Variants in ATRN observed in about 807,000 individuals in gnomAD.
ATRN encodes attractin.
In ATRN, 54 loss-of-function variants were observed where a neutral mutation model predicts 178.7. That is an observed-to-expected ratio of 0.30 (90% CI 0.24 to 0.38). The LOEUF is 0.38. Among genes scored for constraint, ATRN ranks in the 10% least tolerant of loss-of-function variants. ATRN has a pLI of 1.00. For synonymous variants in ATRN, 636 were observed against 663.0 expected, an observed-to-expected ratio of 0.96 and a Z score of 0.63; for missense variants, 1,443 against 1,815.1, an observed-to-expected ratio of 0.79 and a Z score of 3.73.
chr20:3,500,883 A>C (rs2084954227), intron 1 of ATRN, among the ~76,000 whole-genome samples: 1 of 152,076 alleles, frequency 6.6e-6, no homozygotes, highest in Non-Finnish European at 1.5e-5. Flanking sequence ...ATAAAAATCA[A>C]GTGCATATGG....
Position 3,562,459 on chromosome 20 carries a change from GGT to G in ATRN, c.1631+2_1631+3del, listed in dbSNP as rs1167010359. 6.2e-7 allele frequency: 1 copy of G among 1,613,162 alleles called. No homozygotes were observed. Among genetic ancestry groups the G allele is most frequent in the Non-Finnish European group, 8.5e-7 (1 of 1,179,586 alleles). ...CGATATGATGTGGATACCCAGATGTGGTGGGTACTTTTTCTTGAGCTTTCACT... is the reference window on the plus strand; with the variant it reads ...CGATATGATGTGGATACCCAGATGTGGGGTACTTTTTCTTGAGCTTTCACT... On this transcript the variant is annotated splice_donor_variant, in intron 9 of 28. Coordinates refer to ENST00000262919, the MANE Select transcript of ATRN (RefSeq NM_139321.3). LOFTEE classifies it high-confidence loss of function.
chr20:3,496,496 G>T (rs1470151014), intron 1 of ATRN, among the ~76,000 whole-genome samples: 1 of 152,162 alleles, frequency 6.6e-6, no homozygotes. Flanking sequence ...GTTCTAGTTT[G>T]ATTGCACTGT....
chr20:3,550,799 G>T (rs1389398201), intron 6 of ATRN, among the ~76,000 whole-genome samples: 3 of 152,096 alleles, frequency 2.0e-5, no homozygotes, highest in Non-Finnish European at 4.4e-5. Context: ...TCCCTCTGGG[G>T]GGAAAGAGAC....
At position 3,562,432 on chromosome 20, in the gene ATRN, A is replaced by G; in HGVS notation, c.1604A>G (p.Tyr535Cys). ...ANKYRLADDLYRYDVDTQMWT... is the reference protein window; with the variant it reads ...ANKYRLADDLCRYDVDTQMWT... ...AAGTACCGGCTTGCAGATGATCTCT[A>G]CCGATATGATGTGGATACCCAGATG... Residue 535 changes from tyrosine to cysteine, a missense_variant, in exon 9 of 29, where the codon TAC becomes TGC. By Grantham distance (194) the Tyr-to-Cys change is radical. Transcript: ENST00000262919. The G allele has an allele frequency of 6.8e-6, 11 of 1,614,106 alleles. No homozygotes were observed. The highest frequency in any genetic ancestry group is 1.6e-4 in the Middle Eastern group (1 of 6,062).
intron 6 of ATRN, among the ~76,000 whole-genome samples, chr20:3,556,514 C>G (rs2085879041): frequency 6.6e-6 from 1 of 152,152 alleles, no homozygotes; most frequent in South Asian, 2.1e-4. Flanking sequence ...GAAACCTGTA[C>G]CCTGTGGTAC....
At chr20:3,547,236 TG>T in intron 4 of ATRN, 47 bp from the exon 5 acceptor site, 1 of 1,418,204 alleles carries the variant, frequency 7.1e-7, no homozygotes, top group Non-Finnish European at 1.0e-6. Context: ...GCTAAGTTAA[TG>T]GAAGCGTTGC....
intron 19 of ATRN, among the ~76,000 whole-genome samples, chr20:3,593,554 T>G (rs2086483223): frequency 6.6e-6 from 1 of 152,184 alleles, no homozygotes; most frequent in Admixed American, 6.5e-5. Flanking sequence ...CCCAGGCAGA[T>G]GGACGTAAGG....
chr20:3,552,587 A>G (rs151318466), intron 6 of ATRN, among the ~76,000 whole-genome samples: 11 of 152,332 alleles, frequency 7.2e-5, no homozygotes, highest in Non-Finnish European at 1.5e-4. Context: ...ACCTTAAAAC[A>G]GTTTGCATTT....
intron 1 of ATRN, among the ~76,000 whole-genome samples, chr20:3,525,257 A>G: frequency 6.6e-6 from 1 of 152,218 alleles, no homozygotes; most frequent in East Asian, 1.9e-4. Context: ...GCCATCAGAG[A>G]ATACTATAAA....
chr20:3,606,297 A>G (rs1219603950), intron 24 of ATRN, among the ~76,000 whole-genome samples: 2 of 152,054 alleles, frequency 1.3e-5, no homozygotes, highest in Admixed American at 1.3e-4. Flanking sequence ...ATCTCATTGC[A>G]TGGCTTTGAA....
At chr20:3,622,406 T>C (rs2086903396) in intron 24 of ATRN, among the ~76,000 whole-genome samples, 1 of 152,270 alleles carries the variant, frequency 6.6e-6, no homozygotes, top group Non-Finnish European at 1.5e-5. Flanking sequence ...TTTTACAAGA[T>C]GGATTTTACA....
At chr20:3,483,204 C>T (rs1346604809) in intron 1 of ATRN, among the ~76,000 whole-genome samples, 1 of 152,144 alleles carries the variant, frequency 6.6e-6, no homozygotes, top group Non-Finnish European at 1.5e-5. Flanking sequence ...ATGAGATATG[C>T]TGGAGATTTA....
intron 28 of ATRN, among the ~76,000 whole-genome samples, chr20:3,644,583 T>C (rs544807713): frequency 6.6e-6 from 1 of 152,164 alleles, no homozygotes; most frequent in Non-Finnish European, 1.5e-5. Flanking sequence ...CCTTTGCCTC[T>C]GCTGCTCTTT....
intron 12 of ATRN, among the ~76,000 whole-genome samples, chr20:3,573,507 T>TGGAG (rs1260639103): frequency 6.6e-6 from 1 of 152,148 alleles, no homozygotes; most frequent in Non-Finnish European, 1.5e-5. Flanking sequence ...ATTTTTTTGG[T>TGGAG]GGAGGGAGGG....
Position 3,630,916 on chromosome 20 carries a change from C to CTTTTTTTTTTTTT in ATRN, c.3864-3359_3864-3347dup, listed in dbSNP as rs368394749. Among the ~76,000 whole-genome samples the CTTTTTTTTTTTTT allele has an allele frequency of 2.3e-4, 10 of 43,458 alleles. 2 individuals are homozygous for CTTTTTTTTTTTTT. The highest frequency in any genetic ancestry group is 3.3e-4 in the Admixed American group (1 of 3,044). The allele number at this position is 43,458 out of a possible 152,430, so 28.5% of individuals were successfully genotyped here. ...ACCATGTCTAAAAGAATTTATTTAG[C>CTTTTTTTTTTTTT]TTTTTTTTTTTTTTTTTTTTTTTTT... On this transcript the variant is annotated intron_variant, in intron 25 of 28. Transcript: ENST00000262919.
intron 1 of ATRN, among the ~76,000 whole-genome samples, chr20:3,493,163 A>T (rs563557882): frequency 2.0e-4 from 29 of 147,254 alleles, no homozygotes; most frequent in African/African-American, 6.7e-4. Flanking sequence ...ATTAAAAAAA[A>T]TTTTTTTAGA....
chr20:3,612,448 C>G (rs953669553), intron 24 of ATRN, among the ~76,000 whole-genome samples: 7 of 152,144 alleles, frequency 4.6e-5, no homozygotes, highest in Non-Finnish European at 7.3e-5. Flanking sequence ...GGCCTACCCA[C>G]ACAGGAGTAG....
chr20:3,620,589 C>T (rs1290973511), intron 24 of ATRN, among the ~76,000 whole-genome samples: 1 of 152,120 alleles, frequency 6.6e-6, no homozygotes, highest in Non-Finnish European at 1.5e-5. Flanking sequence ...GAAGTGTGGC[C>T]TATGGAGACT....
intron 24 of ATRN, among the ~76,000 whole-genome samples, chr20:3,621,211 G>T (rs1199729109): frequency 6.6e-6 from 1 of 152,138 alleles, no homozygotes; most frequent in Non-Finnish European, 1.5e-5. Context: ...AAAAACGGAG[G>T]CAGTGATGTG....
Sources: allele counts gnomAD v4.1 joint callset (sites outside exome capture counted in the v4.1 genomes callset), GRCh38; gene constraint gnomAD v4.1.1; transcripts MANE v1.5; gene names NCBI Gene and HGNC (gene_info 2026-07-23, HGNC 2026-07-21).